KREMEN1: variants seen among roughly 807,000 people sequenced by gnomAD.
KREMEN1 encodes the protein kremen protein 1.
KREMEN1 carries 30 observed loss-of-function variants against 46.5 expected under a neutral mutation model. The observed-to-expected ratio is 0.65, with a 90% CI of 0.48 to 0.88. KREMEN1 has a LOEUF of 0.88. KREMEN1 is among the 40% of genes least tolerant of loss of function. The pLI is 0.00. For synonymous variants in KREMEN1, 214 were observed against 230.6 expected, an observed-to-expected ratio of 0.93 and a Z score of 0.65; for missense variants, 533 against 596.9, an observed-to-expected ratio of 0.89 and a Z score of 1.11.
chr22:29,088,102 C>T (rs2037755273), intron 1 of KREMEN1, among the ~76,000 whole-genome samples: 1 of 152,134 alleles, frequency 6.6e-6, no homozygotes, highest in African/African-American at 2.4e-5. Flanking sequence ...ATTTGCTCCT[C>T]TGTATCTTTT....
intron 3 of KREMEN1, among the ~76,000 whole-genome samples, chr22:29,101,580 T>G (rs554398619): frequency 6.6e-6 from 1 of 152,368 alleles, no homozygotes; most frequent in African/African-American, 2.4e-5. Context: ...GCTTCATTCG[T>G]GGCAAGTGCC....
chr22:29,077,237 TGTTGCAATTATTCAACTCTGTA>T (rs2037587316), intron 1 of KREMEN1, among the ~76,000 whole-genome samples: 1 of 152,258 alleles, frequency 6.6e-6, no homozygotes, highest in Non-Finnish European at 1.5e-5. Context: ...ATACTATCTG[TGTTGCAATTATTCAACTCTGTA>T]GGGCAAAAGC....
chr22:29,100,976 G>A (rs1481802183), intron 3 of KREMEN1, among the ~76,000 whole-genome samples: 1 of 152,134 alleles, frequency 6.6e-6, no homozygotes, highest in Non-Finnish European at 1.5e-5. Context: ...TAAAGGCTGG[G>A]CACGTTGGCT....
At chr22:29,138,594 GT>G in intron 6 of KREMEN1, 29 bp from the exon 7 acceptor site, 1 of 1,603,150 alleles carries the variant, frequency 6.2e-7, no homozygotes, top group Non-Finnish European at 8.5e-7. Context: ...CCATAGCCCT[GT>G]CCCCAGTTAA....
At chr22:29,138,891 A>G (rs1172119792) in intron 7 of KREMEN1, 109 bp downstream of exon 7, 2 of 1,496,328 alleles carry the variant, frequency 1.3e-6, no homozygotes, top group East Asian at 2.3e-5. Context: ...ATTCAGAGGC[A>G]GGTTGGGATA....
chr22:29,113,443 G>A (rs1367582452), intron 3 of KREMEN1, among the ~76,000 whole-genome samples: 1 of 152,164 alleles, frequency 6.6e-6, no homozygotes, highest in Non-Finnish European at 1.5e-5. Context: ...CTGTTATTCA[G>A]CAAGTTGTTC....
At chr22:29,094,677 G>A (rs1445519169) in intron 2 of KREMEN1, among the ~76,000 whole-genome samples, 1 of 146,556 alleles carries the variant, frequency 6.8e-6, no homozygotes, top group Admixed American at 6.9e-5. Context: ...AGGCTGGAGT[G>A]CAGTGGCGCG....
rs1386803709 is a variant in KREMEN1, at chr22:29,145,719, G to A, written c.*3607G>A. The A allele has an allele frequency of 1.6e-5, 16 of 985,410 alleles. No individual in the cohort carries two copies. The highest frequency in any genetic ancestry group is 1.7e-5 in the African/African-American group (1 of 57,252). 61.0% of individuals were successfully genotyped at this position (985,410 alleles called of 1,614,324 possible). On this transcript the variant is annotated 3_prime_UTR_variant, in exon 9 of 9. Coordinates refer to ENST00000400335, the MANE Select transcript of KREMEN1 (RefSeq NM_001039570.3). ...TGACTTCACCCGCCCTGTCCCCCAC[G>A]TCAGGACAGGCTTGAGGCCTCTCTG...
At chr22:29,138,889 GC>G in intron 7 of KREMEN1, 107 bp downstream of exon 7, 1 of 1,515,344 alleles carries the variant, frequency 6.6e-7, no homozygotes, top group South Asian at 1.1e-5. Context: ...TTATTCAGAG[GC>G]AGGTTGGGAT....
In KREMEN1 at chr22:29,143,921, G is replaced by A. The variant is rs574388829; in HGVS notation, c.*1809G>A. ...TTGGTGCCAGAAGAGGGTGGGTTTG[G>A]GAATTGGAGCTCCTCCAAGGAGCTC... On this transcript the variant is annotated 3_prime_UTR_variant, in exon 9 of 9. Transcript: ENST00000400335. 1.0e-6 allele frequency: 1 copy of A among 985,464 alleles called. No individual in the cohort carries two copies. Among genetic ancestry groups the A allele is most frequent in the South Asian group, 4.7e-5 (1 of 21,288 alleles). 61.0% of individuals were successfully genotyped at this position (985,464 alleles called of 1,614,324 possible). A position where few individuals can be genotyped will look rare whatever the true frequency, so the allele number is the denominator to read the frequency against.
At chr22:29,083,722 C>T (rs1005362654) in intron 1 of KREMEN1, among the ~76,000 whole-genome samples, 18 of 152,006 alleles carry the variant, frequency 1.2e-4, no homozygotes, top group Non-Finnish European at 1.5e-4. Context: ...ATCCCAGCTA[C>T]TAGGGAGGCT....
rs534047515 is a variant in KREMEN1 at position 29,143,528 on chromosome 22, G to A, written c.*1416G>A. 103 of 900,796 alleles carry A rather than the reference G, an allele frequency of 1.1e-4. 1 individual carries two copies. In the Middle Eastern group the frequency reaches 2.8e-3, roughly 25 times the overall value. 55.8% of individuals were successfully genotyped at this position (900,796 alleles called of 1,614,324 possible). A position where few individuals can be genotyped will look rare whatever the true frequency, so the allele number is the denominator to read the frequency against. ...GAGGCTGAGGCGGGTGGATCACGAG[G>A]TCAGGTGATCGAAACCATCCTGGCT... On this transcript the variant is annotated 3_prime_UTR_variant, in exon 9 of 9. Transcript: ENST00000400335.
rs186213539 is a variant in KREMEN1, at chr22:29,158,546, C to T, written c.1417-8498C>T. Among the ~76,000 whole-genome samples, 793 of 152,306 alleles carry T rather than the reference C, an allele frequency of 5.2e-3. 3 individuals carry two copies. The highest frequency in any genetic ancestry group is 8.4e-3 in the Admixed American group (129 of 15,300). ...GCAGCCTCCACAGTCACACAGAGCC[C>T]ATCCTCACAAAGGCCCCACATTTGG... On this transcript the variant is annotated intron_variant, in intron 9 of 9. Coordinates refer to the KREMEN1 transcript ENST00000327813.
intron 1 of KREMEN1, among the ~76,000 whole-genome samples, chr22:29,078,543 AT>A (rs540029616): frequency 1.5e-4 from 23 of 152,148 alleles, no homozygotes; most frequent in African/African-American, 5.3e-4. Context: ...TAACCAGTTA[AT>A]TTTTATGTCC....
chr22:29,161,555 C>G (rs921969359), intron 9 of KREMEN1, among the ~76,000 whole-genome samples: 1 of 135,184 alleles, frequency 7.4e-6, no homozygotes, highest in South Asian at 2.6e-4. Flanking sequence ...TACTAAAAAA[C>G]TTACCAGCCA....
intron 5 of KREMEN1, among the ~76,000 whole-genome samples, chr22:29,135,086 C>T (rs898098103): frequency 1.3e-5 from 2 of 152,212 alleles, no homozygotes; most frequent in Admixed American, 6.5e-5. Flanking sequence ...CCAAACACTG[C>T]CTTGCGTCTG....
intron 9 of KREMEN1, among the ~76,000 whole-genome samples, chr22:29,160,842 C>A (rs1422015545): frequency 6.6e-6 from 1 of 151,990 alleles, no homozygotes; most frequent in Non-Finnish European, 1.5e-5. Context: ...CAAGCTAACC[C>A]AGAAGATAGC....
chr22:29,139,309 A>AAG (rs1423715344), intron 7 of KREMEN1, among the ~76,000 whole-genome samples: 14 of 152,340 alleles, frequency 9.2e-5, no homozygotes, highest in South Asian at 4.1e-4. Flanking sequence ...CTATGAAGAA[A>AAG]AGTCATGCAG....
rs1369375398 is a variant in KREMEN1, at chr22:29,131,612, GTATATA to G, written c.632-5726_632-5721del. ...TGTGTGTGTATATGTATATATGTGT[GTATATA>G]TATGTATATATGTATATATATGTGT... On this transcript the variant is annotated intron_variant, in intron 5 of 8. Coordinates refer to ENST00000400335, the MANE Select transcript of KREMEN1 (RefSeq NM_001039570.3). Among the ~76,000 whole-genome samples, 71 of 129,704 alleles carry G rather than the reference GTATATA, an allele frequency of 5.5e-4. 1 individual carries two copies. In the East Asian group the frequency reaches 9.4e-3, roughly 17 times the overall value. 85.1% of individuals were successfully genotyped at this position (129,704 alleles called of 152,430 possible). A position where few individuals can be genotyped will look rare whatever the true frequency, so the allele number is the denominator to read the frequency against.
Sources: gnomAD v4.1 joint callset for allele counts (sites outside exome capture counted in the v4.1 genomes callset) on GRCh38, gnomAD v4.1.1 for gene constraint, MANE v1.5 for transcripts, NCBI Gene and HGNC (gene_info 2026-07-23, HGNC 2026-07-21) for gene names.